PGAP4: variants seen among roughly 807,000 people sequenced by gnomAD.
PGAP4 encodes post-GPI attachment to proteins GalNAc transferase 4, also known as GPI-N-acetylgalactosamine transferase PGAP4.
In PGAP4, 12 loss-of-function variants were observed where a neutral mutation model predicts 28.2. The ratio of observed to expected loss-of-function variants is 0.42; its 90% CI spans 0.27 to 0.69. The LOEUF (loss-of-function observed/expected upper bound fraction) is 0.69. Ranked by LOEUF, PGAP4 falls within the 30% of genes least tolerant of loss-of-function variation. PGAP4 has a pLI of 0.22. For synonymous variants in PGAP4, 205 were observed against 211.8 expected, an observed-to-expected ratio of 0.97 and a Z score of 0.28; for missense variants, 425 against 513.5, an observed-to-expected ratio of 0.83 and a Z score of 1.67.
intron 2 of PGAP4, among the ~76,000 whole-genome samples, chr9:101,508,799 T>C (rs2118605026): frequency 6.6e-6 from 1 of 152,246 alleles, no homozygotes; most frequent in Middle Eastern, 3.4e-3. Context: ...CCTGAGCTCG[T>C]TTTCCTGCAA....
chr9:101,476,736 C>T lies in PGAP4; in HGVS notation c.357G>A (p.Leu119=). Reference sequence around the variant, plus strand: ...GCCGGTGGAACTGGGACACAACCTGCAGGACGTAGTGGAAGCCAGGCTGCC... The same window carrying T: ...GCCGGTGGAACTGGGACACAACCTGTAGGACGTAGTGGAAGCCAGGCTGCC... The part of the protein sequence containing the change: ...VDRQPGFHYV[L]QVVSQFHRLL... The change falls in exon 2 of 2, where the codon CTG becomes CTA. Residue 119 remains leucine (L), a synonymous_variant. Transcript: ENST00000374848. This position sits in a 1 kb window ranked among gnomAD's most constrained non-coding sequence, Gnocchi z 7.0. 1 of 1,613,988 alleles carries T rather than the reference C, an allele frequency of 6.2e-7. No homozygotes were observed. Among genetic ancestry groups the T allele is most frequent in the East Asian group, 2.2e-5 (1 of 44,870 alleles).
chr9:101,530,885 TTTTGTTTG>T (rs143696837), intron 2 of PGAP4, among the ~76,000 whole-genome samples: 2,289 of 152,230 alleles, frequency 0.015, 48 homozygotes, highest in African/African-American at 0.051. Flanking sequence ...GTGAAGGTGT[TTTTGTTTG>T]TTTGTTTGTT....
intron 2 of PGAP4, among the ~76,000 whole-genome samples, chr9:101,492,296 C>G (rs530434631): frequency 6.6e-6 from 1 of 151,892 alleles, no homozygotes; most frequent in Non-Finnish European, 1.5e-5. Context: ...CGGGTTCAAG[C>G]GATTCTCCTG....
At chr9:101,508,666 G>C (rs180917097) in intron 2 of PGAP4, among the ~76,000 whole-genome samples, 29 of 152,132 alleles carry the variant, frequency 1.9e-4, no homozygotes, top group African/African-American at 6.8e-4. Flanking sequence ...ACAGGGTCGG[G>C]GGATGGTTTC....
rs1198165480 is a variant in PGAP4 at position 101,476,101 on chromosome 9, T to C, written c.992A>G (p.Gln331Arg). ...GAAGAGCATGGCTGGGGTGCAACAC[T>C]GAGAGGCAGGAACCACACTGTACAG... ...PSLYSVVPAS[Q>R]CCTPAMLFPA... Residue 331 changes from glutamine to arginine, a missense_variant, in exon 2 of 2, where the codon CAG becomes CGG. Physicochemically the swap from Gln to Arg is conservative, Grantham distance 43. Transcript: ENST00000374848. This position sits in a 1 kb window ranked among gnomAD's most constrained non-coding sequence, Gnocchi z 7.0. The C allele has an allele frequency of 1.2e-6, 2 of 1,614,040 alleles. No individual in the cohort carries two copies. Among genetic ancestry groups the C allele is most frequent in the South Asian group, 1.1e-5 (1 of 91,076 alleles).
intron 2 of PGAP4, among the ~76,000 whole-genome samples, chr9:101,527,591 T>C (rs910646571): frequency 6.6e-6 from 1 of 152,202 alleles, no homozygotes; most frequent in Admixed American, 6.5e-5. Flanking sequence ...ACTTAAGTAA[T>C]ATATGGACCC....
chr9:101,497,172 T>A (rs77282654), intron 2 of PGAP4, among the ~76,000 whole-genome samples: 25,244 of 151,172 alleles, frequency 0.17, 2,216 homozygotes, highest in East Asian at 0.23. Flanking sequence ...GATTATTTAA[T>A]TTAACAGAAC....
intron 2 of PGAP4, among the ~76,000 whole-genome samples, chr9:101,530,234 G>A (rs1005102725): frequency 7.9e-5 from 12 of 152,302 alleles, no homozygotes; most frequent in South Asian, 4.1e-4. Flanking sequence ...TGACTGATGC[G>A]CAGTACTGTG....
Position 101,476,991 on chromosome 9 carries a change from C to T in PGAP4, c.102G>A (p.Thr34=), listed in dbSNP as rs746822435. The T allele has an allele frequency of 4.3e-6, 7 of 1,613,990 alleles. No homozygotes were observed. Among genetic ancestry groups the T allele is most frequent in the East Asian group, 2.2e-5 (1 of 44,876 alleles). ...AVQLFILTVV[T]FGLLAPLACH... ...AGGCCAGGGGGGCCAGCAGGCCAAA[C>T]GTCACCACTGTTAGGATGAAGAGCT... is the stretch of plus-strand genomic sequence containing the variant. The change falls in exon 2 of 2, where the codon ACG becomes ACA. Residue 34 remains threonine (T), a synonymous_variant. Coordinates refer to ENST00000374848, the MANE Select transcript of PGAP4 (RefSeq NM_032342.3). The surrounding 1 kb of genome is among the most constrained non-coding windows in gnomAD (Gnocchi z 7.0).
At chr9:101,519,394 G>A (rs575827813) in intron 2 of PGAP4, among the ~76,000 whole-genome samples, 8 of 152,118 alleles carry the variant, frequency 5.3e-5, no homozygotes, top group Admixed American at 5.2e-4. Context: ...CTTGAGCTCA[G>A]GCAATCCACC....
intron 2 of PGAP4, among the ~76,000 whole-genome samples, chr9:101,493,960 G>C (rs1826714109): frequency 6.6e-6 from 1 of 151,962 alleles, no homozygotes; most frequent in Admixed American, 6.6e-5. Context: ...ATATAATCTA[G>C]TAACAGGTGT....
At chr9:101,518,779 G>A (rs753032371) in intron 2 of PGAP4, among the ~76,000 whole-genome samples, 16 of 152,126 alleles carry the variant, frequency 1.1e-4, no homozygotes, top group African/African-American at 1.4e-4. Context: ...ATAAACATGC[G>A]TGTGCAAGTA....
chr9:101,502,383 C>A (rs1156547995), intron 2 of PGAP4, among the ~76,000 whole-genome samples: 2 of 152,052 alleles, frequency 1.3e-5, no homozygotes, highest in African/African-American at 2.4e-5. Flanking sequence ...TGGATGAGTT[C>A]TCATGGAGAT....
chr9:101,509,636 C>T (rs907981492), intron 2 of PGAP4, among the ~76,000 whole-genome samples: 1 of 152,134 alleles, frequency 6.6e-6, no homozygotes, highest in Non-Finnish European at 1.5e-5. Flanking sequence ...CAGTTAAGGG[C>T]ATGTACTTTG....
chr9:101,488,257 C>T (rs1826652592), upstream of PGAP4, among the ~76,000 whole-genome samples: 1 of 152,086 alleles, frequency 6.6e-6, no homozygotes, highest in South Asian at 2.1e-4. Flanking sequence ...TGCTGGAAAA[C>T]CTATATCTGA....
intron 2 of PGAP4, among the ~76,000 whole-genome samples, chr9:101,513,584 A>C (rs1826916963): frequency 6.6e-6 from 1 of 152,194 alleles, no homozygotes; most frequent in Admixed American, 6.5e-5. Flanking sequence ...ATTGTAATGC[A>C]CATGCCTCTT....
In PGAP4 at chr9:101,504,209, GTTTTTTTTTTTTTT is replaced by G. The variant is rs3081858; in HGVS notation, c.-164-15023_-164-15010del. Among the ~76,000 whole-genome samples, 13 of 22,718 alleles carry G rather than the reference GTTTTTTTTTTTTTT, an allele frequency of 5.7e-4. 1 individual carries two copies. The East Asian group carries it at 9.4e-3, about 16-fold the overall frequency. The allele number at this position is 22,718 out of a possible 152,430, so 14.9% of individuals were successfully genotyped here. ...TTTGTTTGTGTGTGTGTGTGTGTTT[GTTTTTTTTTTTTTT>G]TTTTTTTTTTTTTTGGTTGGTTTCT... On this transcript the variant is annotated intron_variant, in intron 2 of 3. Transcript: ENST00000374851.
In PGAP4 at chr9:101,476,687, A is replaced by G; in HGVS notation, c.406T>C (p.Cys136Arg). ...HRLLQQCGPQ[C>R]EGHQLFLCNV... ...CACAGGAAGAGTTGGTGCCCCTCGC[A>G]CTGGGGGCCACATTGCTGAAGAAGC... The change falls in exon 2 of 2, where the codon TGC becomes CGC. Residue 136 changes from cysteine (C) to arginine (R), a missense_variant. Physicochemically the swap from Cys to Arg is radical, Grantham distance 180 (BLOSUM62 -3). Coordinates refer to ENST00000374848, the MANE Select transcript of PGAP4 (RefSeq NM_032342.3). The surrounding 1 kb of genome is among the most constrained non-coding windows in gnomAD (Gnocchi z 7.0). 1 of 1,614,060 alleles carries G rather than the reference A, an allele frequency of 6.2e-7. No individual in the cohort carries two copies. The highest frequency in any genetic ancestry group is 8.5e-7 in the Non-Finnish European group (1 of 1,180,018).
At chr9:101,531,357 A>G (rs1827088428) in exon 2 of PGAP4, 1 of 152,196 alleles carries the variant, frequency 6.6e-6, no homozygotes, top group Non-Finnish European at 1.5e-5. Flanking sequence ...CATGGTGAGA[A>G]TTGAAAGGTA....
Sources: gnomAD v4.1 joint callset for allele counts (sites outside exome capture counted in the v4.1 genomes callset) on GRCh38, gnomAD v4.1.1 for gene constraint, Gnocchi (gnomAD v3.1) non-coding constraint, MANE v1.5 for transcripts, NCBI Gene and HGNC (gene_info 2026-07-23, HGNC 2026-07-21) for gene names.